Variants in TEX26 observed in about 807,000 individuals in gnomAD.
TEX26 encodes the protein testis-expressed protein 26.
In TEX26, 34 loss-of-function variants were observed where a neutral mutation model predicts 35.3. The ratio of observed to expected loss-of-function variants is 0.96; its 90% CI spans 0.73 to 1.28. The LOEUF is 1.28. TEX26 is among the 50% of genes most tolerant of loss of function. TEX26 has a pLI of 0.00. For synonymous variants in TEX26, 136 were observed against 111.8 expected (o/e 1.22, Z -1.36); for missense variants, 371 against 330.1 (o/e 1.12, Z -0.96).
At chr13:30,937,505 A>T (rs528733535) in intron 1 of TEX26, among the ~76,000 whole-genome samples, 15 of 134,690 alleles carry the variant, frequency 1.1e-4, no homozygotes, top group Non-Finnish European at 2.5e-4. Flanking sequence ...ATCAGGTTAG[A>T]GAAGGCTTCT....
intron 1 of TEX26, 58 bp from the exon 2 acceptor site, chr13:30,939,636 A>G: frequency 7.0e-7 from 1 of 1,424,838 alleles, no homozygotes; most frequent in Non-Finnish European, 9.9e-7. Flanking sequence ...TGTTAAAACA[A>G]CATTTCTTCA....
chr13:30,955,566 T>G (rs1245248945), intron 3 of TEX26, among the ~76,000 whole-genome samples: 1 of 152,196 alleles, frequency 6.6e-6, no homozygotes, highest in African/African-American at 2.4e-5. Flanking sequence ...ACCTAACTAT[T>G]TTGAAGAATT....
Position 30,947,870 on chromosome 13 carries a change from G to A in TEX26, c.147-4790G>A, listed in dbSNP as rs367717321. ...CGTCATTTAGCATTAGGTATATCTC[G>A]TAATGCTATCCCTCCCCTCTCCCCC... is the stretch of plus-strand genomic sequence containing the variant. On this transcript the variant is annotated intron_variant, in intron 2 of 6. Transcript: ENST00000380473. 9.2e-5 allele frequency among the ~76,000 whole-genome samples: 14 copies of A among 151,800 alleles called. No homozygotes were observed. In the East Asian group the frequency reaches 9.7e-4, roughly 10 times the overall value.
chr13:30,939,936 G>T (rs964767259), intron 2 of TEX26, among the ~76,000 whole-genome samples, 158 bp downstream of exon 2: 2 of 152,032 alleles, frequency 1.3e-5, no homozygotes, highest in African/African-American at 4.8e-5. Flanking sequence ...CCAAGCATCC[G>T]TGATACCCCT....
At chr13:30,934,861 C>T (rs1175156542) in intron 1 of TEX26, among the ~76,000 whole-genome samples, 3 of 152,220 alleles carry the variant, frequency 2.0e-5, no homozygotes, top group Non-Finnish European at 2.9e-5. Context: ...GGGTCTGAGC[C>T]TCCCTGTGCC....
chr13:30,966,404 T>C lies in TEX26; in HGVS notation c.646+6T>C, dbSNP rs1447921152. ...TGTTGCTTCTCAGGGTCTAGGTGAG[T>C]ACAGCTGCAGTTTCTTTTTCTTTTT... On this transcript the variant is annotated splice_donor_region_variant and intron_variant, in intron 5 of 6. Coordinates refer to ENST00000380473, the MANE Select transcript of TEX26 (RefSeq NM_152325.3). 5 of 1,564,372 alleles carry C rather than the reference T, an allele frequency of 3.2e-6. 1 individual carries two copies. The South Asian group carries it at 5.9e-5, about 19-fold the overall frequency.
chr13:30,973,323 G>A (rs999266595), intron 6 of TEX26: 1 of 152,146 alleles, frequency 6.6e-6, no homozygotes, highest in Non-Finnish European at 1.5e-5. Flanking sequence ...GTCTACAACT[G>A]GGAAAACTTA....
intron 1 of TEX26, chr13:30,936,771 G>A: frequency 9.1e-6 from 9 of 985,414 alleles, no homozygotes; most frequent in Non-Finnish European, 1.1e-5. Context: ...AAAGAATTAG[G>A]AAGACGTAAT....
intron 1 of TEX26, chr13:30,936,720 C>T: frequency 1.0e-6 from 1 of 985,284 alleles, no homozygotes; most frequent in South Asian, 4.7e-5. Context: ...CACGGGAGGG[C>T]TTGGGGACTT....
intron 6 of TEX26, 43 bp downstream of exon 6, chr13:30,969,089 A>G: frequency 6.6e-7 from 1 of 1,524,630 alleles, no homozygotes; most frequent in African/African-American, 1.4e-5. Flanking sequence ...ATCACAATAC[A>G]TTGCTTTTGC....
At chr13:30,974,131 A>ATATATAT (rs1555271792) in intron 6 of TEX26, among the ~76,000 whole-genome samples, 12 of 84,418 alleles carry the variant, frequency 1.4e-4, no homozygotes, top group Admixed American at 4.7e-4. Context: ...AAAAAAAAAA[A>ATATATAT]ATATATATAT....
At chr13:30,961,392 G>A (rs1176151434) in intron 4 of TEX26, among the ~76,000 whole-genome samples, 4 of 152,176 alleles carry the variant, frequency 2.6e-5, no homozygotes, top group Non-Finnish European at 5.9e-5. Flanking sequence ...GCCTTCCACT[G>A]TACCTGTTAC....
At chr13:30,969,186 A>T in intron 6 of TEX26, 140 bp downstream of exon 6, 1 of 770,008 alleles carries the variant, frequency 1.3e-6, no homozygotes, top group Non-Finnish European at 2.0e-6. Context: ...AAAAACTCAT[A>T]GTGTTGTGCA....
At chr13:30,957,069 G>C (rs745421382) in intron 4 of TEX26, 40 bp downstream of exon 4, 2 of 1,599,248 alleles carry the variant, frequency 1.3e-6, no homozygotes, top group African/African-American at 1.3e-5. Flanking sequence ...GGGTCATGTG[G>C]TAGGCCCTGG....
intron 5 of TEX26, 26 bp downstream of exon 5, chr13:30,966,424 CTTTTTCTCT>C: frequency 9.6e-7 from 1 of 1,044,110 alleles, no homozygotes; most frequent in Non-Finnish European, 1.3e-6. Flanking sequence ...GTTTCTTTTT[CTTTTTCTCT>C]TTTTTTTTTT....
At chr13:30,942,309 ATTTGTATACC>A (rs950248925) in intron 2 of TEX26, among the ~76,000 whole-genome samples, 20 of 151,738 alleles carry the variant, frequency 1.3e-4, no homozygotes, top group African/African-American at 4.6e-4. Flanking sequence ...GTTTTTGGCC[ATTTGTATACC>A]TTCTTTTGAG....
chr13:30,957,170 C>A (rs1293867553), intron 4 of TEX26, 141 bp downstream of exon 4: 1 of 813,938 alleles, frequency 1.2e-6, no homozygotes, highest in East Asian at 2.6e-5. Flanking sequence ...AAATAAAAAC[C>A]ATCAAGTATA....
intron 3 of TEX26, among the ~76,000 whole-genome samples, chr13:30,954,563 A>T (rs1012059030): frequency 6.6e-6 from 1 of 151,902 alleles, no homozygotes; most frequent in East Asian, 1.9e-4. Context: ...AACTCAAGTG[A>T]TGCTCCCACC....
chr13:30,945,522 C>A (rs1953675090), intron 2 of TEX26, among the ~76,000 whole-genome samples: 1 of 151,026 alleles, frequency 6.6e-6, no homozygotes, highest in Non-Finnish European at 1.5e-5. Context: ...TGTTTTTTTT[C>A]ATTGTGTTAT....
Sources: allele counts gnomAD v4.1 joint callset (sites outside exome capture counted in the v4.1 genomes callset), GRCh38; gene constraint gnomAD v4.1.1; transcripts MANE v1.5; gene names NCBI Gene and HGNC (gene_info 2026-07-23, HGNC 2026-07-21).